NEDD4L: variants seen among roughly 807,000 people sequenced by gnomAD.
The protein encoded by NEDD4L is E3 ubiquitin-protein ligase NEDD4-like.
A neutral mutation model predicts 148.9 loss-of-function variants in NEDD4L; 54 were observed. That is an observed-to-expected ratio of 0.36 (90% CI 0.29 to 0.45). NEDD4L has a LOEUF of 0.45. NEDD4L is among the 20% of genes least tolerant of loss of function. NEDD4L has a pLI of 1.00. For synonymous variants in NEDD4L, 433 were observed against 440.7 expected (o/e 0.98, Z 0.22); for missense variants, 856 against 1,233.8 (o/e 0.69, Z 4.59).
intron 2 of NEDD4L, among the ~76,000 whole-genome samples, chr18:58,180,891 A>G (rs1186415164): frequency 6.6e-6 from 1 of 152,208 alleles, no homozygotes; most frequent in Non-Finnish European, 1.5e-5. Context: ...TTAACTGTCT[A>G]TTCCTTCTCT....
At chr18:58,157,750 C>T (rs1446438941) in intron 1 of NEDD4L, among the ~76,000 whole-genome samples, 1 of 152,176 alleles carries the variant, frequency 6.6e-6, no homozygotes, top group East Asian at 1.9e-4. Flanking sequence ...ACTGCTTTGA[C>T]ATGATAGAAA....
intron 4 of NEDD4L, among the ~76,000 whole-genome samples, chr18:58,251,638 T>A (rs1248015955): frequency 6.6e-6 from 1 of 152,200 alleles, no homozygotes. Flanking sequence ...TTACTATTAC[T>A]GCTATCAGGA....
intron 2 of NEDD4L, among the ~76,000 whole-genome samples, chr18:58,189,627 A>G (rs2039878589): frequency 6.6e-6 from 1 of 152,146 alleles, no homozygotes; most frequent in Non-Finnish European, 1.5e-5. Context: ...GGCCTTGCAC[A>G]CATCCTGGTC....
At chr18:58,072,870 GCGCACACACACACACACACACACACA>G (rs2082948683) in intron 1 of NEDD4L, among the ~76,000 whole-genome samples, 1 of 106,450 alleles carries the variant, frequency 9.4e-6, no homozygotes, top group South Asian at 3.2e-4. Context: ...GCGCGCGCGC[GCGCACACACACACACACACACACACA>G]CACACACACA....
chr18:58,286,936 T>A (rs527962357), intron 5 of NEDD4L, among the ~76,000 whole-genome samples: 107 of 152,320 alleles, frequency 7.0e-4, no homozygotes, highest in African/African-American at 2.5e-3. Context: ...CAAGGATATA[T>A]GGGGACATTT....
intron 24 of NEDD4L, among the ~76,000 whole-genome samples, chr18:58,378,555 G>C (rs949580652): frequency 4.6e-5 from 7 of 152,196 alleles, no homozygotes; most frequent in Non-Finnish European, 1.0e-4. Flanking sequence ...ACGGGAAGTG[G>C]GAAGGCTGGC....
In NEDD4L at chr18:58,118,656, C is replaced by T. The variant is rs887360995; in HGVS notation, c.49-47132C>T. Among the ~76,000 whole-genome samples the T allele has an allele frequency of 2.6e-5, 4 of 151,708 alleles. No homozygotes were observed. The East Asian group carries it at 5.8e-4, about 22-fold the overall frequency. Reference sequence around the variant, plus strand: ...TGTGTGTGTGGCGGGGTGGTGGGGGCGGTGTTGCCAAATCTTTTGCACTGA... The same window carrying T: ...TGTGTGTGTGGCGGGGTGGTGGGGGTGGTGTTGCCAAATCTTTTGCACTGA... On this transcript the variant is annotated intron_variant, in intron 1 of 30. Coordinates refer to ENST00000400345, the MANE Select transcript of NEDD4L (RefSeq NM_001144967.3).
At chr18:58,340,818 A>C (rs1386376271) in intron 13 of NEDD4L, 4 of 479,848 alleles carry the variant, frequency 8.3e-6, no homozygotes, top group African/African-American at 2.0e-5. Context: ...AAGTTCTGTA[A>C]GAATTTGGAC....
chr18:58,384,800 A>G (rs868038033), intron 25 of NEDD4L, among the ~76,000 whole-genome samples: 5 of 152,182 alleles, frequency 3.3e-5, no homozygotes, highest in Non-Finnish European at 5.9e-5. Context: ...GGCCATTACC[A>G]TGGTTACAGT....
intron 24 of NEDD4L, among the ~76,000 whole-genome samples, chr18:58,379,056 G>A (rs553774158): frequency 6.6e-6 from 1 of 152,332 alleles, no homozygotes. Flanking sequence ...CTTGTGTGGG[G>A]TCCTCCAGGA....
At chr18:58,387,568 T>TG in intron 27 of NEDD4L, 70 bp downstream of exon 27, 2 of 1,384,194 alleles carry the variant, frequency 1.4e-6, no homozygotes, top group Non-Finnish European at 1.9e-6. Context: ...TTACAAGTAA[T>TG]ATTTTAATAT....
chr18:58,274,565 G>C (rs2051579247), intron 5 of NEDD4L, among the ~76,000 whole-genome samples: 1 of 152,160 alleles, frequency 6.6e-6, no homozygotes, highest in African/African-American at 2.4e-5. Context: ...TTTGTTGTCA[G>C]GAGTAGAATT....
intron 1 of NEDD4L, among the ~76,000 whole-genome samples, chr18:58,070,249 TTTTTA>T (rs1450049707): frequency 6.6e-6 from 1 of 151,804 alleles, no homozygotes; most frequent in Non-Finnish European, 1.5e-5. Context: ...AAATTTTTTA[TTTTTA>T]TTTTATTTAT....
At position 58,249,119 on chromosome 18, in the gene NEDD4L, G is replaced by A. The variant is rs938742831; in HGVS notation, c.243+182G>A. Among the ~76,000 whole-genome samples the A allele has an allele frequency of 3.9e-5, 6 of 152,098 alleles. No individual in the cohort carries two copies. The South Asian group carries it at 6.2e-4, about 16-fold the overall frequency. ...ACTAGAAGTAGTGGTCACAGAATCC[G>A]GACTTGTTTCATTGGGGAGTGTTTT... On this transcript the variant is annotated intron_variant, in intron 4 of 30. Transcript: ENST00000400345.
At chr18:58,168,030 G>T (rs1213756211) in intron 2 of NEDD4L, among the ~76,000 whole-genome samples, 1 of 152,134 alleles carries the variant, frequency 6.6e-6, no homozygotes, top group South Asian at 2.1e-4. Context: ...TTCGTACCTT[G>T]AATTTTTACT....
chr18:58,096,790 A>AATT (rs1439493599), intron 1 of NEDD4L, among the ~76,000 whole-genome samples: 1 of 152,198 alleles, frequency 6.6e-6, no homozygotes, highest in African/African-American at 2.4e-5. Flanking sequence ...TGCTGTAATG[A>AATT]ATTTTTCCCT....
At chr18:58,250,130 GTTTT>G (rs768788438) in intron 4 of NEDD4L, among the ~76,000 whole-genome samples, 2 of 151,794 alleles carry the variant, frequency 1.3e-5, no homozygotes, top group African/African-American at 2.4e-5. Context: ...TTTTCTGAAG[GTTTT>G]TTTTGTTTGT....
At position 58,366,088 on chromosome 18, in the gene NEDD4L, A is replaced by G; in HGVS notation, c.1923A>G (p.Pro641=). The G allele has an allele frequency of 6.2e-7, 1 of 1,613,600 alleles. No homozygotes were observed. The highest frequency in any genetic ancestry group is 8.5e-7 in the Non-Finnish European group (1 of 1,179,716). ...SYRRIMSVKR[P]DVLKARLWIE... is the part of the protein sequence containing the mutation. ...GGAGAATTATGTCCGTGAAAAGACCAGATGTCCTAAAAGCTAGACTGTGGA... is the reference window on the plus strand; with the variant it reads ...GGAGAATTATGTCCGTGAAAAGACCGGATGTCCTAAAAGCTAGACTGTGGA... The change falls in exon 21 of 31, where the codon CCA becomes CCG. Residue 641 remains proline, a synonymous_variant. Coordinates refer to ENST00000400345, the MANE Select transcript of NEDD4L (RefSeq NM_001144967.3). The surrounding 1 kb of genome is among the most constrained non-coding windows in gnomAD (Gnocchi z 4.2).
intron 13 of NEDD4L, among the ~76,000 whole-genome samples, chr18:58,336,776 T>C (rs1034758643): frequency 3.9e-5 from 6 of 152,152 alleles, no homozygotes; most frequent in Admixed American, 2.6e-4. Context: ...GGTTAAGATA[T>C]TGAGCTACAG....
Sources: gnomAD v4.1 joint callset for allele counts (sites outside exome capture counted in the v4.1 genomes callset) on GRCh38, gnomAD v4.1.1 for gene constraint, Gnocchi (gnomAD v3.1) non-coding constraint, MANE v1.5 for transcripts, NCBI Gene and HGNC (gene_info 2026-07-23, HGNC 2026-07-21) for gene names.